NLGN1: variants seen among roughly 807,000 people sequenced by gnomAD.
NLGN1 encodes neuroligin-1.
In NLGN1, 12 loss-of-function variants were observed where a neutral mutation model predicts 65.5. That is an observed-to-expected ratio of 0.18 (90% CI 0.12 to 0.30). The LOEUF (loss-of-function observed/expected upper bound fraction) is 0.30. Among genes scored for constraint, NLGN1 ranks in the 10% least tolerant of loss-of-function variants. The probability of loss-of-function intolerance (pLI) is 1.00; values close to 1 mark genes in which losing one functional copy is unlikely to be tolerated. For missense variants in NLGN1, 750 were observed against 1,007.1 expected (o/e 0.74, Z 3.46); for synonymous variants, 350 against 359.5 (o/e 0.97, Z 0.30).
chr3:174,039,383 G>A (rs1228053132), intron 4 of NLGN1, among the ~76,000 whole-genome samples: 3 of 151,850 alleles, frequency 2.0e-5, no homozygotes, highest in South Asian at 2.1e-4. Context: ...TTTTAAGCCC[G>A]GCATGCATTA....
At chr3:174,270,214 A>G (rs1029840169) in intron 4 of NLGN1, among the ~76,000 whole-genome samples, 1 of 130,996 alleles carries the variant, frequency 7.6e-6, no homozygotes, top group African/African-American at 2.9e-5. Flanking sequence ...CTTTTGGTTT[A>G]ATATCCAAGA....
chr3:174,098,717 C>T (rs951209984), intron 4 of NLGN1, among the ~76,000 whole-genome samples: 2 of 152,172 alleles, frequency 1.3e-5, no homozygotes, highest in Non-Finnish European at 2.9e-5. Flanking sequence ...TTTCAAACCA[C>T]ATCCCACAAA....
At chr3:174,107,936 T>C (rs954042697) in intron 4 of NLGN1, among the ~76,000 whole-genome samples, 2 of 152,154 alleles carry the variant, frequency 1.3e-5, no homozygotes, top group Non-Finnish European at 1.5e-5. Context: ...TCCTATTCAA[T>C]GGAAATGGCT....
intron 2 of NLGN1, among the ~76,000 whole-genome samples, chr3:173,443,701 G>A (rs2148808400): frequency 6.6e-6 from 1 of 152,224 alleles, no homozygotes; most frequent in South Asian, 2.1e-4. Context: ...TTACGCTTAA[G>A]GTGCAATTAT....
At chr3:173,962,786 T>C (rs1713905062) in intron 4 of NLGN1, among the ~76,000 whole-genome samples, 1 of 152,118 alleles carries the variant, frequency 6.6e-6, no homozygotes, top group Non-Finnish European at 1.5e-5. Flanking sequence ...AGCCTAAGGG[T>C]GCTTTCTAAT....
At chr3:174,241,677 G>A (rs892736805) in intron 4 of NLGN1, among the ~76,000 whole-genome samples, 4 of 149,472 alleles carry the variant, frequency 2.7e-5, no homozygotes, top group East Asian at 3.9e-4. Flanking sequence ...TTTTTGAGAC[G>A]GAGTCTCGTT....
intron 3 of NLGN1, among the ~76,000 whole-genome samples, chr3:173,652,102 C>T (rs1269126311): frequency 1.3e-5 from 2 of 152,048 alleles, no homozygotes; most frequent in African/African-American, 2.4e-5. Context: ...CCCCTTTGCC[C>T]ACTTTTTAAT....
intron 4 of NLGN1, among the ~76,000 whole-genome samples, chr3:174,038,476 CA>C (rs1195824485): frequency 1.3e-5 from 2 of 152,148 alleles, no homozygotes; most frequent in Non-Finnish European, 2.9e-5. Context: ...AAAGGATTCT[CA>C]GCAGCAAGTC....
At chr3:173,761,961 G>T (rs1778027269) in intron 3 of NLGN1, among the ~76,000 whole-genome samples, 1 of 152,204 alleles carries the variant, frequency 6.6e-6, no homozygotes, top group South Asian at 2.1e-4. Flanking sequence ...ACAAAGCAAA[G>T]AAATAATCCA....
At chr3:174,179,406 C>T (rs1729985913) in intron 4 of NLGN1, among the ~76,000 whole-genome samples, 1 of 151,930 alleles carries the variant, frequency 6.6e-6, no homozygotes, top group Admixed American at 6.6e-5. Context: ...AAATATATTG[C>T]AGTATTGCAA....
chr3:174,070,793 G>A (rs999879988), intron 4 of NLGN1, among the ~76,000 whole-genome samples: 5 of 152,124 alleles, frequency 3.3e-5, no homozygotes, highest in South Asian at 2.1e-4. Context: ...AGTGGCTCAC[G>A]CCTATAATTC....
chr3:173,658,400 G>A (rs143839897), intron 3 of NLGN1, among the ~76,000 whole-genome samples: 2 of 152,106 alleles, frequency 1.3e-5, no homozygotes, highest in Non-Finnish European at 2.9e-5. Flanking sequence ...AAGAACAGCA[G>A]TTGTGCTTCA....
At chr3:173,448,334 C>G (rs1269541231) in intron 2 of NLGN1, among the ~76,000 whole-genome samples, 3 of 152,132 alleles carry the variant, frequency 2.0e-5, no homozygotes, top group Non-Finnish European at 2.9e-5. Flanking sequence ...TGATTTTTGT[C>G]TTTGGTTCTG....
At chr3:173,470,489 G>A (rs993083572) in intron 2 of NLGN1, among the ~76,000 whole-genome samples, 1 of 152,056 alleles carries the variant, frequency 6.6e-6, no homozygotes, top group African/African-American at 2.4e-5. Context: ...AGCGCTTGTA[G>A]CAGAGGGACT....
intron 4 of NLGN1, among the ~76,000 whole-genome samples, chr3:173,842,588 G>C (rs933916715): frequency 5.9e-5 from 9 of 152,168 alleles, no homozygotes; most frequent in Non-Finnish European, 1.3e-4. Flanking sequence ...CAGGCTTCAT[G>C]CAAGTCTGAA....
At chr3:173,979,808 A>G (rs958013191) in intron 4 of NLGN1, among the ~76,000 whole-genome samples, 15 of 152,108 alleles carry the variant, frequency 9.9e-5, no homozygotes, top group African/African-American at 3.1e-4. Flanking sequence ...ATGTATCCAG[A>G]TGAGTAGATT....
intron 2 of NLGN1, among the ~76,000 whole-genome samples, chr3:173,536,996 CAAA>C (rs1737540371): frequency 6.6e-6 from 1 of 152,052 alleles, no homozygotes; most frequent in African/African-American, 2.4e-5. Flanking sequence ...TGAAGGCAGG[CAAA>C]AAGAGTGACT....
chr3:173,614,575 G>T (rs566485433), intron 3 of NLGN1, among the ~76,000 whole-genome samples: 2 of 152,192 alleles, frequency 1.3e-5, no homozygotes, highest in South Asian at 2.1e-4. Context: ...TCATTAAAGA[G>T]AACTGATATG....
intron 4 of NLGN1, among the ~76,000 whole-genome samples, chr3:173,994,689 C>T (rs776679071): frequency 3.3e-5 from 5 of 152,042 alleles, no homozygotes; most frequent in South Asian, 2.1e-4. Flanking sequence ...TCTCTACTAG[C>T]GTCTAATTTT....
Sources: allele counts gnomAD v4.1 joint callset (sites outside exome capture counted in the v4.1 genomes callset), GRCh38; gene constraint gnomAD v4.1.1; transcripts MANE v1.5; gene names NCBI Gene and HGNC (gene_info 2026-07-23, HGNC 2026-07-21).